ZMAT4: variants seen among roughly 807,000 people sequenced by gnomAD.
ZMAT4 encodes zinc finger matrin-type protein 4.
Under a neutral mutation model 28.7 loss-of-function variants are expected in ZMAT4, and 17 were observed. The ratio of observed to expected loss-of-function variants is 0.59; its 90% CI spans 0.41 to 0.89. The LOEUF (loss-of-function observed/expected upper bound fraction) is 0.89, where lower values mean the gene tolerates loss of function less well. ZMAT4 is among the 40% of genes least tolerant of loss of function. The probability of loss-of-function intolerance (pLI) is 0.00; values close to 1 mark genes in which losing one functional copy is unlikely to be tolerated. For synonymous variants in ZMAT4, 117 were observed against 109.2 expected (o/e 1.07, Z -0.44); for missense variants, 240 against 283.8 (o/e 0.85, Z 1.11).
intron 1 of ZMAT4, among the ~76,000 whole-genome samples, chr8:40,875,778 G>A (rs1198611223): frequency 6.6e-6 from 1 of 152,044 alleles, no homozygotes; most frequent in East Asian, 1.9e-4. Flanking sequence ...GACGATGGAG[G>A]AGGTCATTGG....
At chr8:40,553,009 TA>T (rs1803413211) in intron 6 of ZMAT4, among the ~76,000 whole-genome samples, 1 of 152,178 alleles carries the variant, frequency 6.6e-6, no homozygotes, top group South Asian at 2.1e-4. Context: ...GGACTGATTG[TA>T]AAAATTCAAA....
intron 5 of ZMAT4, among the ~76,000 whole-genome samples, chr8:40,660,513 A>C (rs752020031): frequency 1.3e-5 from 2 of 152,156 alleles, no homozygotes; most frequent in Non-Finnish European, 2.9e-5. Context: ...ATAACCACCT[A>C]ATAGGCATTT....
At chr8:40,595,084 G>A (rs1429923039) in intron 5 of ZMAT4, among the ~76,000 whole-genome samples, 1 of 152,164 alleles carries the variant, frequency 6.6e-6, no homozygotes, top group Non-Finnish European at 1.5e-5. Context: ...AAAAGCAAAA[G>A]GATATATTGA....
intron 5 of ZMAT4, among the ~76,000 whole-genome samples, chr8:40,631,350 A>T (rs1034912408): frequency 4.6e-5 from 7 of 151,988 alleles, no homozygotes; most frequent in African/African-American, 1.7e-4. Flanking sequence ...TAGAGATGGA[A>T]TTTCACCATG....
chr8:40,805,716 A>G (rs968972089), intron 2 of ZMAT4, among the ~76,000 whole-genome samples: 1 of 145,912 alleles, frequency 6.9e-6, no homozygotes, highest in Admixed American at 7.0e-5. Flanking sequence ...GCATATTCTC[A>G]CTCATAGGTG....
intron 5 of ZMAT4, among the ~76,000 whole-genome samples, chr8:40,635,119 A>T (rs904271420): frequency 2.0e-5 from 3 of 152,214 alleles, no homozygotes; most frequent in Non-Finnish European, 4.4e-5. Context: ...TTCCAAAAAA[A>T]TCTGGTAAAC....
At chr8:40,682,901 A>G (rs935083086) in intron 4 of ZMAT4, among the ~76,000 whole-genome samples, 1 of 152,212 alleles carries the variant, frequency 6.6e-6, no homozygotes, top group Non-Finnish European at 1.5e-5. Flanking sequence ...ATCTTTGAAA[A>G]TAAGCCATTA....
chr8:40,580,010 CT>C (rs60027647), intron 6 of ZMAT4, among the ~76,000 whole-genome samples: 13,318 of 118,516 alleles, frequency 0.11, 868 homozygotes, highest in African/African-American at 0.24. Context: ...ATGTATTCAT[CT>C]TTTTTTTTTT....
chr8:40,855,348 C>T (rs1817259160), intron 1 of ZMAT4, among the ~76,000 whole-genome samples: 1 of 152,022 alleles, frequency 6.6e-6, no homozygotes, highest in African/African-American at 2.4e-5. Flanking sequence ...GGCCCTAGTG[C>T]CAAATGACTC....
intron 3 of ZMAT4, among the ~76,000 whole-genome samples, chr8:40,712,162 T>C (rs1480624655): frequency 6.6e-6 from 1 of 152,200 alleles, no homozygotes; most frequent in African/African-American, 2.4e-5. Context: ...AGGAGTTCAA[T>C]TGAGATAAGC....
At chr8:40,767,609 T>G (rs772036252) in intron 3 of ZMAT4, 32 bp downstream of exon 3, 14 of 1,583,054 alleles carry the variant, frequency 8.8e-6, no homozygotes, top group Non-Finnish European at 1.2e-5. Flanking sequence ...GAACAAATCA[T>G]CTGAGGATAT....
At chr8:40,634,651 G>C (rs1056937508) in intron 5 of ZMAT4, among the ~76,000 whole-genome samples, 1 of 152,190 alleles carries the variant, frequency 6.6e-6, no homozygotes, top group Non-Finnish European at 1.5e-5. Flanking sequence ...GGGAATGCGC[G>C]CTGTTTGCTG....
At chr8:40,718,300 T>G (rs1563432995) in intron 3 of ZMAT4, among the ~76,000 whole-genome samples, 1 of 152,192 alleles carries the variant, frequency 6.6e-6, no homozygotes, top group Non-Finnish European at 1.5e-5. Flanking sequence ...TTAGGCTAGC[T>G]CTACTCAGAC....
chr8:40,695,223 T>A (rs1185685931), intron 4 of ZMAT4, among the ~76,000 whole-genome samples: 1 of 152,244 alleles, frequency 6.6e-6, no homozygotes. Context: ...AACTGCCTCA[T>A]GTCTGACTAC....
intron 2 of ZMAT4, among the ~76,000 whole-genome samples, chr8:40,809,511 G>A (rs926088840): frequency 6.6e-6 from 1 of 152,062 alleles, no homozygotes; most frequent in Non-Finnish European, 1.5e-5. Context: ...GAAATTAAAG[G>A]CATGGCTTTT....
At chr8:40,774,459 T>A (rs1403395075) in intron 2 of ZMAT4, among the ~76,000 whole-genome samples, 4 of 152,094 alleles carry the variant, frequency 2.6e-5, no homozygotes, top group African/African-American at 9.7e-5. Context: ...GGAAATTTTG[T>A]AATATATATC....
chr8:40,806,197 TG>T (rs536330282), intron 2 of ZMAT4, among the ~76,000 whole-genome samples: 38 of 152,368 alleles, frequency 2.5e-4, no homozygotes, highest in Admixed American at 2.3e-3. Context: ...TGCAACTTTT[TG>T]CATGTGGGCA....
intron 5 of ZMAT4, among the ~76,000 whole-genome samples, chr8:40,625,307 C>T (rs918837037): frequency 1.3e-5 from 2 of 152,008 alleles, no homozygotes; most frequent in Non-Finnish European, 2.9e-5. Flanking sequence ...GAACCGGTTC[C>T]AATTCTATTC....
intron 3 of ZMAT4, among the ~76,000 whole-genome samples, chr8:40,725,687 C>G (rs1811289820): frequency 1.3e-5 from 2 of 152,140 alleles, no homozygotes; most frequent in Admixed American, 1.3e-4. Context: ...AGGAGAATCG[C>G]TTGAACCTGG....
Sources: allele counts gnomAD v4.1 joint callset (sites outside exome capture counted in the v4.1 genomes callset), GRCh38; gene constraint gnomAD v4.1.1; transcripts MANE v1.5; gene names NCBI Gene and HGNC (gene_info 2026-07-23, HGNC 2026-07-21).